LIN28B: variants seen among roughly 807,000 people sequenced by gnomAD.
LIN28B encodes the protein lin-28 RNA binding posttranscriptional regulator B.
A neutral mutation model predicts 21.9 loss-of-function variants in LIN28B; 5 were observed. The observed-to-expected ratio is 0.23, with a 90% CI of 0.12 to 0.48. The LOEUF (loss-of-function observed/expected upper bound fraction) is 0.48, where lower values mean the gene tolerates loss of function less well. Ranked by LOEUF, LIN28B falls within the 20% of genes least tolerant of loss-of-function variation. The pLI is 0.98. For missense variants in LIN28B, 245 were observed against 310.5 expected, an observed-to-expected ratio of 0.79 and a Z score of 1.58; for synonymous variants, 109 against 111.3, an observed-to-expected ratio of 0.98 and a Z score of 0.13.
intron 3 of LIN28B, among the ~76,000 whole-genome samples, chr6:104,951,785 T>G (rs1778223906): frequency 1.3e-5 from 2 of 152,198 alleles, no homozygotes; most frequent in Non-Finnish European, 2.9e-5. Flanking sequence ...TTCCTCACTT[T>G]ACAGATGAAG....
chr6:104,958,165 A>C lies in LIN28B; in HGVS notation c.77A>C (p.Gln26Pro). The change falls in exon 2 of 4, where the codon CAG becomes CCG. Residue 26 changes from glutamine (Q) to proline (P), a missense_variant. Gln to Pro is a moderately conservative substitution (Grantham distance 76). Transcript: ENST00000345080. ...CCGGAGCCGGCAGAGGAGGAATCCC[A>C]GGTTTTGCGCGGAACTGGCCACTGT... ...KLPEPAEEESQVLRGTGHCKW... is the reference protein window; with the variant it reads ...KLPEPAEEESPVLRGTGHCKW... The C allele has an allele frequency of 1.2e-6, 2 of 1,607,720 alleles. No homozygotes were observed. The highest frequency in any genetic ancestry group is 1.7e-6 in the Non-Finnish European group (2 of 1,175,180).
chr6:105,051,516 T>G (rs1771903410), intron 3 of LIN28B, among the ~76,000 whole-genome samples: 1 of 151,862 alleles, frequency 6.6e-6, no homozygotes, highest in South Asian at 2.1e-4. Context: ...GTATACTACA[T>G]TCTTTCCTTC....
intron 3 of LIN28B, chr6:105,058,074 T>C (rs965449952): frequency 1.0e-5 from 4 of 398,506 alleles, no homozygotes; most frequent in African/African-American, 8.6e-5. Flanking sequence ...TCTACAGGAA[T>C]TTTTTGACTC....
rs918890376 is a variant in LIN28B at position 104,980,564 on chromosome 6, A to G, written c.198+22278A>G. Among the ~76,000 whole-genome samples the G allele has an allele frequency of 7.2e-5, 11 of 152,196 alleles. No homozygotes were observed. In the East Asian group the frequency reaches 9.6e-4, roughly 13 times the overall value. On this transcript the variant is annotated intron_variant, in intron 2 of 3. Transcript: ENST00000345080. ...TATGCTGACCTGAATTTAAATGGCA[A>G]ATGTACTTCAGGGTCTGTCGTGTGT...
chr6:105,063,014 T>C (rs1323436802), intron 3 of LIN28B, among the ~76,000 whole-genome samples: 76 of 152,182 alleles, frequency 5.0e-4, no homozygotes, highest in Admixed American at 5.0e-3. Flanking sequence ...CACGTGTTCT[T>C]TTAGTAAAAA....
intron 2 of LIN28B, among the ~76,000 whole-genome samples, chr6:104,998,474 G>T (rs1351853042): frequency 1.3e-5 from 2 of 151,972 alleles, no homozygotes; most frequent in Non-Finnish European, 2.9e-5. Flanking sequence ...ATAATAATTT[G>T]TGATTTTAAA....
At chr6:104,958,073 GACTT>G in intron 1 of LIN28B, 22 bp from the exon 2 acceptor site, 1 of 1,494,212 alleles carries the variant, frequency 6.7e-7, no homozygotes, top group Admixed American at 1.8e-5. Context: ...AATACAGACT[GACTT>G]TTTTGTCCTG....
At chr6:105,066,430 CT>C (rs1177318938) in intron 3 of LIN28B, among the ~76,000 whole-genome samples, 3 of 152,160 alleles carry the variant, frequency 2.0e-5, no homozygotes, top group East Asian at 1.9e-4. Flanking sequence ...CCTTTTGCCC[CT>C]GGCTTGCAAA....
At chr6:104,964,148 C>G (rs11969778) in intron 2 of LIN28B, among the ~76,000 whole-genome samples, 2,623 of 152,214 alleles carry the variant, frequency 0.017, 78 homozygotes, top group African/African-American at 0.06. Flanking sequence ...CCGAGCAGCT[C>G]TTTTGGTTTG....
At chr6:105,003,515 T>C (rs2114294859) in intron 2 of LIN28B, among the ~76,000 whole-genome samples, 1 of 152,156 alleles carries the variant, frequency 6.6e-6, no homozygotes, top group African/African-American at 2.4e-5. Context: ...ACTGATTTTT[T>C]TTTCTTTTTT....
At chr6:104,950,340 A>G (rs1481798593) in intron 2 of LIN28B, 3 of 481,136 alleles carry the variant, frequency 6.2e-6, no homozygotes, top group Non-Finnish European at 9.9e-6. Flanking sequence ...AAAAAAGTTT[A>G]CAGGTCTCTT....
chr6:105,061,834 G>A (rs1195754446), intron 3 of LIN28B, among the ~76,000 whole-genome samples: 1 of 151,976 alleles, frequency 6.6e-6, no homozygotes, highest in South Asian at 2.1e-4. Flanking sequence ...TTGAGGTCAT[G>A]AACAATGTGT....
intron 2 of LIN28B, among the ~76,000 whole-genome samples, chr6:105,016,685 A>G (rs903817601): frequency 2.6e-5 from 4 of 152,100 alleles, no homozygotes; most frequent in African/African-American, 7.2e-5. Flanking sequence ...AACACCTGCT[A>G]TGTTTCAGGG....
intron 3 of LIN28B, among the ~76,000 whole-genome samples, chr6:105,046,629 A>G (rs1771770414): frequency 6.6e-6 from 1 of 152,146 alleles, no homozygotes; most frequent in South Asian, 2.1e-4. Flanking sequence ...TTACAGTCCC[A>G]CCAACAGTGT....
At position 105,082,663 on chromosome 6, in the gene LIN28B, A is replaced by G. The variant is rs1772562129; in HGVS notation, c.*3880A>G. ...TCAAACTCTGTCTTACATAGCTGTC[A>G]ACAGCCTCTTTAAGATGTGGTGGTT... On this transcript the variant is annotated 3_prime_UTR_variant, in exon 4 of 4. Transcript: ENST00000345080. The G allele has an allele frequency of 6.6e-6, 1 of 152,666 alleles. No homozygotes were observed. The highest frequency in any genetic ancestry group is 1.5e-5 in the Non-Finnish European group (1 of 68,044). 9.5% of individuals were successfully genotyped at this position (152,666 alleles called of 1,614,324 possible).
At chr6:105,010,575 A>G (rs1452117916) in intron 2 of LIN28B, among the ~76,000 whole-genome samples, 1 of 152,198 alleles carries the variant, frequency 6.6e-6, no homozygotes, top group Admixed American at 6.5e-5. Flanking sequence ...TCGTTTTTGT[A>G]TACTTTATAT....
chr6:105,000,407 T>C (rs1211939223), intron 2 of LIN28B, among the ~76,000 whole-genome samples: 2 of 152,168 alleles, frequency 1.3e-5, no homozygotes, highest in African/African-American at 4.8e-5. Flanking sequence ...CTTGTCTATA[T>C]TTTCTAAAAT....
intron 3 of LIN28B, among the ~76,000 whole-genome samples, chr6:105,057,657 G>T (rs189547335): frequency 2.0e-5 from 3 of 152,126 alleles, no homozygotes; most frequent in East Asian, 3.9e-4. Context: ...TACAAGCATT[G>T]ATATTTTATT....
chr6:104,988,690 G>T (rs1425395872), intron 2 of LIN28B, among the ~76,000 whole-genome samples: 1 of 149,854 alleles, frequency 6.7e-6, no homozygotes, highest in African/African-American at 2.4e-5. Context: ...TCCTGCCTCC[G>T]CCTCCGCTTT....
Sources: gnomAD v4.1 joint callset for allele counts (sites outside exome capture counted in the v4.1 genomes callset) on GRCh38, gnomAD v4.1.1 for gene constraint, MANE v1.5 for transcripts, NCBI Gene and HGNC (gene_info 2026-07-23, HGNC 2026-07-21) for gene names.